DOCK9: variants seen among roughly 807,000 people sequenced by gnomAD.
DOCK9 encodes the protein dedicator of cytokinesis 9.
Under a neutral mutation model 263.3 loss-of-function variants are expected in DOCK9, and 89 were observed. That is an observed-to-expected ratio of 0.34 (90% CI 0.28 to 0.40). The LOEUF is 0.40. Among genes scored for constraint, DOCK9 ranks in the 10% least tolerant of loss-of-function variants. DOCK9 has a pLI of 1.00. For missense variants in DOCK9, 2,140 were observed against 2,603.4 expected (o/e 0.82, Z 3.87); for synonymous variants, 976 against 973.1 (o/e 1.00, Z -0.06).
chr13:98,926,330 G>C (rs1462144151), intron 3 of DOCK9, among the ~76,000 whole-genome samples: 1 of 152,164 alleles, frequency 6.6e-6, no homozygotes, highest in Non-Finnish European at 1.5e-5. Context: ...ACTAATATTA[G>C]AACTAGCTAG....
At chr13:98,861,724 A>G (rs2093876620) in intron 32 of DOCK9, among the ~76,000 whole-genome samples, 1 of 152,246 alleles carries the variant, frequency 6.6e-6, no homozygotes, top group South Asian at 2.1e-4. Flanking sequence ...CTGAGTAAAA[A>G]AGAGCAAAAC....
intron 49 of DOCK9, 117 bp downstream of exon 49, chr13:98,804,882 T>G: frequency 1.0e-6 from 1 of 960,478 alleles, no homozygotes; most frequent in Non-Finnish European, 1.6e-6. Flanking sequence ...GAAATGGGTG[T>G]GGGGGTGGCT....
chr13:98,839,408 A>C (rs2093127303), intron 38 of DOCK9, among the ~76,000 whole-genome samples: 1 of 152,236 alleles, frequency 6.6e-6, no homozygotes, highest in African/African-American at 2.4e-5. Flanking sequence ...AGGAAAACAA[A>C]CAGGTCGATG....
At chr13:98,980,343 T>A (rs1567166550), upstream of DOCK9, among the ~76,000 whole-genome samples, 1 of 152,280 alleles carries the variant, frequency 6.6e-6, no homozygotes, top group Admixed American at 6.5e-5. Context: ...TAACTCTATG[T>A]AATACTGTTA....
chr13:99,008,093 T>C (rs574090866), intron 1 of DOCK9, among the ~76,000 whole-genome samples: 10 of 151,612 alleles, frequency 6.6e-5, no homozygotes, highest in African/African-American at 1.2e-4. Flanking sequence ...TTAAATAAAA[T>C]GTTACATCTG....
At position 98,837,545 on chromosome 13, in the gene DOCK9, C is replaced by T. The variant is rs2093050540; in HGVS notation, c.4263G>A (p.Glu1421=). ...QSLLEANIAT[E]VCLTALDTLS... ...GCGTGTCCAGAGCTGTCAGGCAAAC[C>T]TCAGTAGCAATGTTGGCTTCAAGTA... is the stretch of plus-strand genomic sequence containing the variant. Residue 1421 remains glutamate, a synonymous_variant, in exon 39 of 53, where the codon GAG becomes GAA. Coordinates refer to ENST00000682017, the MANE Select transcript of DOCK9 (RefSeq NM_001366683.2). The T allele has an allele frequency of 6.2e-7, 1 of 1,613,648 alleles. No individual in the cohort carries two copies. Among genetic ancestry groups the T allele is most frequent in the Non-Finnish European group, 8.5e-7 (1 of 1,179,714 alleles).
At chr13:99,027,868 A>G (rs1886935603) in intron 1 of DOCK9, among the ~76,000 whole-genome samples, 2 of 152,192 alleles carry the variant, frequency 1.3e-5, no homozygotes, top group Non-Finnish European at 2.9e-5. Context: ...CACCAGTCTC[A>G]CTACATATCC....
intron 2 of DOCK9, among the ~76,000 whole-genome samples, chr13:98,954,905 C>T (rs1047273218): frequency 2.0e-5 from 3 of 150,886 alleles, no homozygotes; most frequent in Non-Finnish European, 4.4e-5. Flanking sequence ...CACATTTTGG[C>T]ATACTTATAA....
At position 98,831,348 on chromosome 13, in the gene DOCK9, T is replaced by C; in HGVS notation, c.4635A>G (p.Gln1545=). The change falls in exon 41 of 53, where the codon CAA becomes CAG. Residue 1545 remains glutamine, a splice_region_variant and synonymous_variant. Transcript: ENST00000682017. ...TATTGGAAAGCTAAACCACACGCACTTGCAAATGTGTCCGGACAAAGGACT... is the reference window on the plus strand; with the variant it reads ...TATTGGAAAGCTAAACCACACGCACCTGCAAATGTGTCCGGACAAAGGACT... ...GKKSFVRTHL[Q]VIISVSQLIA... The C allele has an allele frequency of 1.2e-6, 2 of 1,601,416 alleles. No homozygotes were observed.
At chr13:98,842,207 A>G (rs9557088) in intron 38 of DOCK9, among the ~76,000 whole-genome samples, 26,822 of 151,766 alleles carry the variant, frequency 0.18, 3,283 homozygotes, top group East Asian at 0.43. Context: ...ACGCCATCCA[A>G]CTCCTCATGG....
chr13:98,865,540 T>C (rs181431894), intron 30 of DOCK9, among the ~76,000 whole-genome samples: 1 of 152,074 alleles, frequency 6.6e-6, no homozygotes, highest in East Asian at 1.9e-4. Context: ...TACTCCCATA[T>C]ATCCCCCCAT....
At chr13:98,836,079 T>G (rs944793221) in intron 39 of DOCK9, among the ~76,000 whole-genome samples, 6 of 152,248 alleles carry the variant, frequency 3.9e-5, no homozygotes, top group African/African-American at 1.4e-4. Context: ...GGGGCTGAAT[T>G]AGAACTGCAG....
intron 1 of DOCK9, among the ~76,000 whole-genome samples, chr13:98,975,823 GACAGTCTTGGGGATTCTT>G (rs1318581912): frequency 1.3e-5 from 2 of 152,166 alleles, no homozygotes; most frequent in African/African-American, 4.8e-5. Context: ...TCAAATGATA[GACAGTCTTGGGGATTCTT>G]ACCAAGCCCG....
intron 1 of DOCK9, among the ~76,000 whole-genome samples, chr13:99,037,766 T>A (rs1379447207): frequency 5.9e-5 from 9 of 152,228 alleles, no homozygotes; most frequent in Admixed American, 6.5e-5. Flanking sequence ...TATATCCACA[T>A]AATCAAATTA....
chr13:99,021,911 A>G (rs1729946141), intron 1 of DOCK9, among the ~76,000 whole-genome samples: 1 of 152,154 alleles, frequency 6.6e-6, no homozygotes, highest in African/African-American at 2.4e-5. Flanking sequence ...GCAAACCACC[A>G]TGGCACACAT....
At chr13:99,073,659 G>A (rs1343753168) in intron 1 of DOCK9, among the ~76,000 whole-genome samples, 1 of 152,136 alleles carries the variant, frequency 6.6e-6, no homozygotes, top group Non-Finnish European at 1.5e-5. Context: ...GATTGCATTT[G>A]CACAAAACAG....
intron 39 of DOCK9, among the ~76,000 whole-genome samples, chr13:98,835,501 A>G (rs2092957038): frequency 6.6e-6 from 1 of 152,000 alleles, no homozygotes; most frequent in Admixed American, 6.5e-5. Flanking sequence ...CATTTTTTGC[A>G]TGCAGGCATA....
At chr13:98,882,211 C>T (rs1436129199) in intron 23 of DOCK9, among the ~76,000 whole-genome samples, 1 of 152,022 alleles carries the variant, frequency 6.6e-6, no homozygotes, top group East Asian at 1.9e-4. Flanking sequence ...GGTAAGGCTG[C>T]TAGTCAGGCC....
chr13:98,816,395 G>A (rs979183976), intron 45 of DOCK9, among the ~76,000 whole-genome samples: 1 of 152,134 alleles, frequency 6.6e-6, no homozygotes, highest in African/African-American at 2.4e-5. Flanking sequence ...TGCCCAAGAT[G>A]CAAGTCGCAG....
Sources: allele counts gnomAD v4.1 joint callset (sites outside exome capture counted in the v4.1 genomes callset), GRCh38; gene constraint gnomAD v4.1.1; transcripts MANE v1.5; gene names NCBI Gene and HGNC (gene_info 2026-07-23, HGNC 2026-07-21).